The following RSRP1 variants were observed in gnomAD, a reference collection of about 807,000 sequenced individuals.
RSRP1 encodes arginine and serine rich protein 1.
In RSRP1, 37 loss-of-function variants were observed where a neutral mutation model predicts 33.0. The observed-to-expected ratio is 1.12, with a 90% CI of 0.86 to 1.48. The LOEUF is 1.48. Among genes scored for constraint, RSRP1 ranks in the 40% most tolerant of loss-of-function variants. The probability of loss-of-function intolerance (pLI) is 0.00; values close to 1 mark genes in which losing one functional copy is unlikely to be tolerated. For synonymous variants in RSRP1, 167 were observed against 158.7 expected (o/e 1.05, Z -0.40); for missense variants, 402 against 385.3 (o/e 1.04, Z -0.36).
At chr1:25,292,655 G>C (rs11488397) in intron 1 of RSRP1, among the ~76,000 whole-genome samples, 5 of 129,294 alleles carry the variant, frequency 3.9e-5, no homozygotes, top group African/African-American at 1.1e-4. Context: ...GGTTGGGGGA[G>C]GGGGGGTAGA....
intron 1 of RSRP1, among the ~76,000 whole-genome samples, chr1:25,310,495 A>C (rs1277079131): frequency 1.5e-5 from 2 of 131,522 alleles, no homozygotes; most frequent in Non-Finnish European, 1.8e-5. Context: ...TTTTCTTTAT[A>C]ATCACCCAGT....
chr1:25,290,585 A>G lies in RSRP1; in HGVS notation c.-66-43556T>C, dbSNP rs559319954. On this transcript the variant is annotated intron_variant, in intron 1 of 1. Transcript: ENST00000561867. ...AATGAATGAATGAATGAATGAATGA[A>G]TGAGTGAGAGGCATCCTTCCTTCTC... 6.5e-5 allele frequency: 76 copies of G among 1,172,890 alleles called. 8 individuals carry two copies. Among genetic ancestry groups the G allele is most frequent in the Middle Eastern group, 3.9e-4 (2 of 5,094 alleles). 72.7% of individuals were successfully genotyped at this position (1,172,890 alleles called of 1,614,324 possible).
intron 1 of RSRP1, among the ~76,000 whole-genome samples, chr1:25,305,703 C>G (rs1176936229): frequency 7.8e-6 from 1 of 127,786 alleles, no homozygotes; most frequent in African/African-American, 2.7e-5. Context: ...CGGGTTCACA[C>G]CATTCTCCTG....
chr1:25,313,303 C>A (rs114315425), intron 1 of RSRP1, among the ~76,000 whole-genome samples: 1,702 of 132,158 alleles, frequency 0.013, 234 homozygotes, highest in African/African-American at 0.041. Context: ...GACTTCCCAG[C>A]CTCCAGAACC....
chr1:25,255,438 T>C (rs1639916653), intron 1 of RSRP1, among the ~76,000 whole-genome samples: 1 of 152,166 alleles, frequency 6.6e-6, no homozygotes, highest in Non-Finnish European at 1.5e-5. Flanking sequence ...TGACAACAAA[T>C]AACCTTTACT....
At chr1:25,258,711 A>G (rs1640026620) in intron 1 of RSRP1, among the ~76,000 whole-genome samples, 2 of 152,230 alleles carry the variant, frequency 1.3e-5, no homozygotes, top group African/African-American at 4.8e-5. Context: ...TTTAATATTC[A>G]GTCATTATAC....
In RSRP1 at chr1:25,242,666, C is replaced by T. The variant is rs954117857; in HGVS notation, c.796G>A (p.Ala266Thr). 4 of 1,611,252 alleles carry T rather than the reference C, an allele frequency of 2.5e-6. No individual in the cohort carries two copies. The highest frequency in any genetic ancestry group is 1.7e-5 in the Admixed American group (1 of 59,936). ...AKPIQKSAKA[A>T]TEEASSRSPK... ...GATCTTGAAGATGCCTCTTCTGTGGCAGCTTTAGCTGATTTTTGTATTGGC... is the reference window on the plus strand; with the variant it reads ...GATCTTGAAGATGCCTCTTCTGTGGTAGCTTTAGCTGATTTTTGTATTGGC... Residue 266 changes from alanine (A) to threonine (T), a missense_variant, in exon 5 of 5, where the codon GCC (alanine) becomes ACC (threonine). Ala to Thr is a moderately conservative substitution (Grantham distance 58, BLOSUM62 0). Coordinates refer to ENST00000243189, the MANE Select transcript of RSRP1 (RefSeq NM_020317.5).
chr1:25,331,564 ATTTTTTTT>A (rs71014354), intron 1 of RSRP1, among the ~76,000 whole-genome samples: 1 of 74,350 alleles, frequency 1.3e-5, no homozygotes, highest in African/African-American at 4.4e-5. Context: ...GAAAAATGTG[ATTTTTTTT>A]TTTTTTTTTT....
rs1485296101 is a variant in RSRP1, at chr1:25,307,123, G to A, written c.-67+30855C>T. Among the ~76,000 whole-genome samples the A allele has an allele frequency of 5.8e-4, 77 of 132,402 alleles. 14 individuals carry two copies. Among genetic ancestry groups the A allele is most frequent in the African/African-American group, 1.6e-3 (60 of 38,426 alleles). 86.9% of individuals were successfully genotyped at this position (132,402 alleles called of 152,430 possible). On this transcript the variant is annotated intron_variant, in intron 1 of 1. Transcript: ENST00000561867. ...GGCTTAACCTTTCTCAGCCTCAGTC[G>A]CCCCATTGTAAATGGAGATAATGAT...
chr1:25,296,882 C>T lies in RSRP1; in HGVS notation c.-67+41096G>A, dbSNP rs559498990. Among the ~76,000 whole-genome samples, 58 of 129,472 alleles carry T rather than the reference C, an allele frequency of 4.5e-4. 13 individuals are homozygous for T. The highest frequency in any genetic ancestry group is 4.1e-3 in the Middle Eastern group (1 of 242). 84.9% of individuals were successfully genotyped at this position (129,472 alleles called of 152,430 possible). A position where few individuals can be genotyped will look rare whatever the true frequency, so the allele number is the denominator to read the frequency against. Reference sequence around the variant, plus strand: ...TTCAGCCTCTTTTGTTTATAAATTACGCAGTCTCAGGAAGTATCTTTATAG... The same window carrying T: ...TTCAGCCTCTTTTGTTTATAAATTATGCAGTCTCAGGAAGTATCTTTATAG... On this transcript the variant is annotated intron_variant, in intron 1 of 1. Transcript: ENST00000561867.
chr1:25,263,550 G>A (rs754503240), intron 1 of RSRP1, among the ~76,000 whole-genome samples: 21 of 151,856 alleles, frequency 1.4e-4, no homozygotes, highest in African/African-American at 1.9e-4. Flanking sequence ...AGAACAGCAC[G>A]GGTAAGACCT....
chr1:25,257,272 G>A (rs572221557), intron 1 of RSRP1, among the ~76,000 whole-genome samples: 1 of 152,086 alleles, frequency 6.6e-6, no homozygotes, highest in Non-Finnish European at 1.5e-5. Flanking sequence ...AAATAATTAA[G>A]GTTTTAATTT....
At chr1:25,295,258 A>G (rs1160065373) in intron 1 of RSRP1, among the ~76,000 whole-genome samples, 2 of 107,960 alleles carry the variant, frequency 1.9e-5, no homozygotes, top group Non-Finnish European at 4.2e-5. Flanking sequence ...TCTGTGCCTC[A>G]GTTTCCCTAT....
intron 1 of RSRP1, among the ~76,000 whole-genome samples, chr1:25,299,872 C>A (rs191827646): frequency 7.6e-6 from 1 of 131,338 alleles, no homozygotes; most frequent in East Asian, 2.0e-4. Context: ...GCATCAGCCT[C>A]CCAGGTAGAT....
intron 1 of RSRP1, among the ~76,000 whole-genome samples, chr1:25,281,823 G>A (rs1557517459): frequency 7.5e-6 from 1 of 132,674 alleles, no homozygotes; most frequent in Non-Finnish European, 1.8e-5. Context: ...TATCCTGGTG[G>A]TGTCAGGTTG....
chr1:25,263,501 T>C (rs1640223970), intron 1 of RSRP1, among the ~76,000 whole-genome samples: 1 of 151,940 alleles, frequency 6.6e-6, no homozygotes, highest in African/African-American at 2.4e-5. Flanking sequence ...CTCCCCCTTA[T>C]AGAGCCATCA....
rs1420582278 is a variant in RSRP1 at position 25,274,402 on chromosome 1, T to C, written c.-66-27373A>G. ...TAACCCAGTAGGTTAGCAGCCACTA[T>C]TCCAACCCTGTAGATTGACTCTAGG... On this transcript the variant is annotated intron_variant, in intron 1 of 1. Transcript: ENST00000561867. Among the ~76,000 whole-genome samples the C allele has an allele frequency of 7.5e-5, 10 of 132,620 alleles. 3 individuals carry two copies. Among genetic ancestry groups the C allele is most frequent in the Non-Finnish European group, 1.8e-4 (10 of 55,992 alleles). 87.0% of individuals were successfully genotyped at this position (132,620 alleles called of 152,430 possible).
chr1:25,296,316 G>C (rs182735391), intron 1 of RSRP1, among the ~76,000 whole-genome samples: 1 of 124,254 alleles, frequency 8.0e-6, no homozygotes, highest in Non-Finnish European at 1.9e-5. Context: ...GTGTGATCTC[G>C]GCTCACTGCA....
chr1:25,278,608 A>C lies in RSRP1; in HGVS notation c.-66-31579T>G, dbSNP rs1166955445. ...ATTCACTGGGGGCCATTACTGTAAC[A>C]ATCGCCTACCAGGCAGAGCTTCCCT... is the stretch of plus-strand genomic sequence containing the variant. On this transcript the variant is annotated intron_variant, in intron 1 of 1. Transcript: ENST00000561867. 2.3e-5 allele frequency among the ~76,000 whole-genome samples: 3 copies of C among 130,928 alleles called. 1 individual carries two copies. The highest frequency in any genetic ancestry group is 5.2e-5 in the African/African-American group (2 of 38,444). The allele number at this position is 130,928 out of a possible 152,430, so 85.9% of individuals were successfully genotyped here.
Sources: gnomAD v4.1 joint callset for allele counts (sites outside exome capture counted in the v4.1 genomes callset) on GRCh38, gnomAD v4.1.1 for gene constraint, MANE v1.5 for transcripts, NCBI Gene and HGNC (gene_info 2026-07-23, HGNC 2026-07-21) for gene names.